The following OVCH1 variants were observed in gnomAD, a reference collection of about 807,000 sequenced individuals.
The protein encoded by OVCH1 is ovochymase 1, also known as ovochymase-1.
A neutral mutation model predicts 138.4 loss-of-function variants in OVCH1; 139 were observed. The observed-to-expected ratio is 1.00, with a 90% CI of 0.87 to 1.16. OVCH1 has a LOEUF of 1.16. Among genes scored for constraint, OVCH1 ranks in the 50% most tolerant of loss-of-function variants. OVCH1 has a pLI of 0.00. For synonymous variants in OVCH1, 453 were observed against 467.8 expected (o/e 0.97, Z 0.41); for missense variants, 1,367 against 1,357.9 (o/e 1.01, Z -0.11).
chr12:29,444,753 C>A (rs570062583), intron 23 of OVCH1, among the ~76,000 whole-genome samples: 17 of 152,026 alleles, frequency 1.1e-4, no homozygotes, highest in African/African-American at 3.6e-4. Context: ...AAAAAAAAAT[C>A]TCACTAATTA....
intron 6 of OVCH1, 41 bp downstream of exon 6, chr12:29,489,579 C>A: frequency 6.5e-7 from 1 of 1,547,030 alleles, no homozygotes; most frequent in South Asian, 1.2e-5. Context: ...TACTTTCACC[C>A]ACATGTTACT....
At chr12:29,476,179 C>A in intron 13 of OVCH1, 27 bp downstream of exon 13, 1 of 1,565,552 alleles carries the variant, frequency 6.4e-7, no homozygotes, top group South Asian at 1.1e-5. Context: ...CTAACACTTT[C>A]ATATTTAAAG....
intron 9 of OVCH1, among the ~76,000 whole-genome samples, chr12:29,478,068 T>C (rs1017932866): frequency 1.3e-5 from 2 of 152,204 alleles, no homozygotes; most frequent in Admixed American, 1.3e-4. Context: ...GTCCTAACCA[T>C]TGGCCTTATA....
chr12:29,456,922 G>A (rs969327350), intron 19 of OVCH1, among the ~76,000 whole-genome samples: 2 of 152,198 alleles, frequency 1.3e-5, no homozygotes, highest in Admixed American at 6.5e-5. Context: ...TTTGCAGGAA[G>A]TGGATGAACA....
intron 8 of OVCH1, chr12:29,478,929 T>C (rs1592098297): frequency 6.6e-7 from 1 of 1,524,702 alleles, no homozygotes; most frequent in East Asian, 2.3e-5. Context: ...TTATCAGGAT[T>C]ATTTTATCTT....
At chr12:29,427,446 T>C, downstream of OVCH1, 1 of 1,320,110 alleles carries the variant, frequency 7.6e-7, no homozygotes, top group Non-Finnish European at 1.0e-6. Flanking sequence ...CTATTTAGAT[T>C]GTATGATAGA....
chr12:29,489,383 C>T (rs1943211226), intron 6 of OVCH1, among the ~76,000 whole-genome samples: 3 of 152,160 alleles, frequency 2.0e-5, no homozygotes, highest in South Asian at 2.1e-4. Context: ...GAAACTAACC[C>T]CTTTTGCCAA....
intron 3 of OVCH1, among the ~76,000 whole-genome samples, chr12:29,495,950 A>G (rs1943403887): frequency 6.6e-6 from 1 of 152,192 alleles, no homozygotes; most frequent in Non-Finnish European, 1.5e-5. Flanking sequence ...CAAGCACTAA[A>G]TCCATAAATT....
rs749741864 is a variant in OVCH1 at position 29,475,017 on chromosome 12, T to C, written c.1600+44A>G. The C allele has an allele frequency of 5.2e-6, 8 of 1,547,884 alleles. No homozygotes were observed. In the African/African-American group the frequency reaches 8.3e-5, roughly 16 times the overall value. On this transcript the variant is annotated intron_variant, in intron 14 of 27. Coordinates refer to ENST00000318184, the Ensembl canonical transcript of OVCH1. Reference sequence around the variant, plus strand: ...GGCTAAATTATCTTCCCTGTAACCATTTGCATAAACAAAAGTCCTTATTAC... The same window carrying C: ...GGCTAAATTATCTTCCCTGTAACCACTTGCATAAACAAAAGTCCTTATTAC...
chr12:29,441,559 G>C (rs1286340058), intron 25 of OVCH1, among the ~76,000 whole-genome samples: 4 of 152,100 alleles, frequency 2.6e-5, no homozygotes, highest in Non-Finnish European at 5.9e-5. Flanking sequence ...ACATAGACAT[G>C]GGCAAGGACT....
At chr12:29,449,663 T>C (rs1400460943) in intron 22 of OVCH1, among the ~76,000 whole-genome samples, 1 of 152,120 alleles carries the variant, frequency 6.6e-6, no homozygotes, top group Non-Finnish European at 1.5e-5. Flanking sequence ...GCTGTTATAT[T>C]GGTGTATAGA....
chr12:29,415,708 T>C (rs1941022993), intron 3 of OVCH1, among the ~76,000 whole-genome samples: 1 of 152,202 alleles, frequency 6.6e-6, no homozygotes, highest in African/African-American at 2.4e-5. Context: ...AAGACTCATA[T>C]AGTAAATATG....
chr12:29,490,329 C>T (rs929763730), intron 5 of OVCH1, among the ~76,000 whole-genome samples: 1 of 152,104 alleles, frequency 6.6e-6, no homozygotes, highest in African/African-American at 2.4e-5. Context: ...ATCTTCCTGC[C>T]TTGGCCTCCC....
chr12:29,434,942 G>T (rs184493019), intron 26 of OVCH1, among the ~76,000 whole-genome samples: 4 of 152,226 alleles, frequency 2.6e-5, no homozygotes, highest in African/African-American at 9.6e-5. Context: ...TTATGATGTC[G>T]GAATAACTTA....
intron 3 of OVCH1, among the ~76,000 whole-genome samples, chr12:29,421,696 T>A (rs1291807952): frequency 1.3e-5 from 2 of 152,128 alleles, no homozygotes. Flanking sequence ...TTTCCAGCAC[T>A]GTGTTTATTC....
At chr12:29,434,029 T>G (rs1394117469) in intron 26 of OVCH1, among the ~76,000 whole-genome samples, 2 of 152,198 alleles carry the variant, frequency 1.3e-5, no homozygotes, top group Non-Finnish European at 2.9e-5. Context: ...TTCTCTATGA[T>G]ATCCGATTTC....
rs531976156 is a variant in OVCH1 at position 29,435,241 on chromosome 12, A to G, written c.3265-1428T>C. 5.3e-5 allele frequency among the ~76,000 whole-genome samples: 8 copies of G among 152,036 alleles called. No homozygotes were observed. In the East Asian group the frequency reaches 1.6e-3, roughly 30 times the overall value. ...ACCCGTGGCGTGAGCCTGTAGTCCC[A>G]GCTACTGGGGAGGCTGAGGAACAGG... On this transcript the variant is annotated intron_variant, in intron 26 of 27. Transcript: ENST00000318184.
downstream of OVCH1, among the ~76,000 whole-genome samples, chr12:29,427,032 T>C (rs1941191172): frequency 6.6e-6 from 1 of 152,124 alleles, no homozygotes; most frequent in Admixed American, 6.5e-5. Context: ...TTCAAATTAC[T>C]CCCCTGTCAA....
intron 7 of OVCH1, 25 bp downstream of exon 7, chr12:29,487,668 G>A: frequency 1.3e-6 from 2 of 1,559,076 alleles, no homozygotes; most frequent in Non-Finnish European, 1.7e-6. Context: ...GTTAGGATGA[G>A]ATGAGGAAGA....
Sources: gnomAD v4.1 joint callset for allele counts (sites outside exome capture counted in the v4.1 genomes callset) on GRCh38, gnomAD v4.1.1 for gene constraint, MANE v1.5 for transcripts, NCBI Gene and HGNC (gene_info 2026-07-23, HGNC 2026-07-21) for gene names.